SLC6A6: variants seen among roughly 807,000 people sequenced by gnomAD.
The protein encoded by SLC6A6 is sodium- and chloride-dependent taurine transporter.
A neutral mutation model predicts 68.8 loss-of-function variants in SLC6A6; 16 were observed. The observed-to-expected ratio is 0.23, with a 90% confidence interval of 0.16 to 0.35. The LOEUF is 0.35. SLC6A6 is among the 10% of genes least tolerant of loss of function. The pLI, the probability that SLC6A6 is intolerant of heterozygous loss-of-function variation, is 1.00. For missense variants in SLC6A6, 474 were observed against 802.8 expected, an observed-to-expected ratio of 0.59 and a Z score of 4.95; for synonymous variants, 312 against 315.4, an observed-to-expected ratio of 0.99 and a Z score of 0.12.
rs769012111 is a variant in SLC6A6 at position 14,472,223 on chromosome 3, T to C, written c.1115T>C (p.Ile372Thr). ...TTTCTAGGTCCTGGCCTGGCCTTCA[T>C]TGCCTACCCAAAAGCTGTGACAATG... is the stretch of plus-strand genomic sequence containing the variant. The part of the protein sequence containing the change: ...VAESGPGLAF[I>T]AYPKAVTMMP... The change falls in exon 10 of 15, where the codon ATT (isoleucine) becomes ACT (threonine). Residue 372 changes from isoleucine (I) to threonine (T), a missense_variant. By Grantham distance (89) the Ile-to-Thr change is moderately conservative. This residue lies in a region of SLC6A6 where 280 missense variants were observed against 533.1 expected (regional missense o/e 0.53). Transcript: ENST00000622186. The surrounding 1 kb of genome is among the most constrained non-coding windows in gnomAD (Gnocchi z 4.5). 2 of 1,612,946 alleles carry C rather than the reference T, an allele frequency of 1.2e-6. No homozygotes were observed. The highest frequency in any genetic ancestry group is 1.7e-6 in the Non-Finnish European group (2 of 1,179,040).
At chr3:14,444,170 C>G in intron 3 of SLC6A6, 1 of 333,878 alleles carries the variant, frequency 3.0e-6, no homozygotes, top group East Asian at 5.5e-5. Context: ...TTGTGTCTCC[C>G]AAGCCCCAGA....
intron 2 of SLC6A6, among the ~76,000 whole-genome samples, chr3:14,441,298 A>G (rs1389382736): frequency 6.6e-6 from 1 of 151,998 alleles, no homozygotes; most frequent in Admixed American, 6.5e-5. Context: ...ACATCCTCCA[A>G]TTATGCGCCC....
intron 6 of SLC6A6, among the ~76,000 whole-genome samples, chr3:14,466,000 G>A: frequency 6.6e-6 from 1 of 152,140 alleles, no homozygotes; most frequent in East Asian, 1.9e-4. Context: ...TGTGGCTCAT[G>A]CCTATAATCC....
chr3:14,422,227 A>C (rs1205844322), intron 2 of SLC6A6, among the ~76,000 whole-genome samples: 1 of 152,120 alleles, frequency 6.6e-6, no homozygotes, highest in African/African-American at 2.4e-5. Flanking sequence ...GCACCCATGA[A>C]GGAAGGTGTC....
intron 13 of SLC6A6, 90 bp downstream of exon 13, chr3:14,479,275 T>C (rs1011885171): frequency 1.2e-6 from 1 of 845,688 alleles, no homozygotes; most frequent in East Asian, 2.4e-5. Context: ...ATGCAGCATC[T>C]GTTCAGCGTG....
At chr3:14,419,861 G>A (rs1375564765) in intron 2 of SLC6A6, among the ~76,000 whole-genome samples, 5 of 151,288 alleles carry the variant, frequency 3.3e-5, no homozygotes, top group Non-Finnish European at 7.4e-5. Context: ...TCACCCTCCC[G>A]GTGCCTGGGG....
At chr3:14,431,575 G>A (rs750508496) in intron 2 of SLC6A6, among the ~76,000 whole-genome samples, 4 of 152,174 alleles carry the variant, frequency 2.6e-5, no homozygotes, top group Admixed American at 2.0e-4. Context: ...AAACCACAGC[G>A]TGTGCTTCAG....
At chr3:14,480,033 T>C (rs1175292110) in intron 13 of SLC6A6, among the ~76,000 whole-genome samples, 1 of 152,196 alleles carries the variant, frequency 6.6e-6, no homozygotes, top group Non-Finnish European at 1.5e-5. Context: ...CAGGCCAGAC[T>C]AAGTCAATGT....
rs1126666 is a variant in SLC6A6, at chr3:14,485,148, A to T, written c.*141A>T. The stretch of plus-strand genomic sequence containing the variant: ...TGTCACAGAAAATGTAATTGTGGGT[A>T]TGTGTGCGTGCGTGTGTGTGTGTGT... On this transcript the variant is annotated 3_prime_UTR_variant, in exon 15 of 15. Coordinates refer to ENST00000622186, the MANE Select transcript of SLC6A6 (RefSeq NM_003043.6). 3 of 604,648 alleles carry T rather than the reference A, an allele frequency of 5.0e-6. No homozygotes were observed. The highest frequency in any genetic ancestry group is 5.2e-5 in the African/African-American group (2 of 38,502). 37.5% of individuals were successfully genotyped at this position (604,648 alleles called of 1,614,324 possible).
chr3:14,478,260 C>T (rs918420126), intron 11 of SLC6A6, among the ~76,000 whole-genome samples: 1 of 152,162 alleles, frequency 6.6e-6, no homozygotes, highest in East Asian at 1.9e-4. Context: ...CATCATTTTG[C>T]TTTCATTTAT....
chr3:14,419,961 G>A (rs535427588), intron 2 of SLC6A6, among the ~76,000 whole-genome samples: 7 of 152,222 alleles, frequency 4.6e-5, no homozygotes, highest in East Asian at 1.9e-4. Context: ...CCCATGCCCC[G>A]CACCCATTGT....
At chr3:14,416,605 C>G (rs1425267733) in intron 2 of SLC6A6, among the ~76,000 whole-genome samples, 152 bp downstream of exon 2, 1 of 152,222 alleles carries the variant, frequency 6.6e-6, no homozygotes, top group Non-Finnish European at 1.5e-5. Flanking sequence ...CACCTCACCT[C>G]CAGGTGGCAG....
At chr3:14,417,087 C>A (rs1699378154) in intron 2 of SLC6A6, among the ~76,000 whole-genome samples, 2 of 152,248 alleles carry the variant, frequency 1.3e-5, no homozygotes, top group Admixed American at 1.3e-4. Flanking sequence ...AATCCCTGCA[C>A]TTTGGGAGGC....
At chr3:14,484,364 C>T (rs1701086339) in intron 14 of SLC6A6, among the ~76,000 whole-genome samples, 1 of 152,208 alleles carries the variant, frequency 6.6e-6, no homozygotes, top group Non-Finnish European at 1.5e-5. Context: ...TAGGGAAGAC[C>T]TGTCTCTGCA....
chr3:14,409,333 C>T (rs1053795116), intron 1 of SLC6A6, among the ~76,000 whole-genome samples: 2 of 152,342 alleles, frequency 1.3e-5, no homozygotes, highest in Admixed American at 6.5e-5. Context: ...AGGACTTGCC[C>T]CGGAGGGTGC....
chr3:14,415,930 C>A (rs537282289), intron 1 of SLC6A6, among the ~76,000 whole-genome samples: 1 of 152,146 alleles, frequency 6.6e-6, no homozygotes, highest in South Asian at 2.1e-4. Flanking sequence ...GCTGGTGGGG[C>A]GCTCAGGAGT....
intron 2 of SLC6A6, among the ~76,000 whole-genome samples, chr3:14,426,175 A>C (rs1038997911): frequency 2.6e-5 from 4 of 152,030 alleles, no homozygotes; most frequent in Admixed American, 1.3e-4. Context: ...AGGGGGAGAG[A>C]CTTCCTGGTA....
intron 2 of SLC6A6, among the ~76,000 whole-genome samples, chr3:14,436,259 G>A (rs942190757): frequency 2.0e-5 from 3 of 152,118 alleles, no homozygotes; most frequent in East Asian, 1.9e-4. Context: ...GGAGTGAGGT[G>A]GCATGATCAC....
chr3:14,428,606 G>A (rs76899017), intron 2 of SLC6A6, among the ~76,000 whole-genome samples: 4,366 of 152,250 alleles, frequency 0.029, 196 homozygotes, highest in African/African-American at 0.098. Context: ...TTTCTCTCCT[G>A]GGGAGGGTGC....
Sources: gnomAD v4.1 joint callset for allele counts (sites outside exome capture counted in the v4.1 genomes callset) on GRCh38, gnomAD v4.1.1 for gene constraint, gnomAD v4.1.1 regional missense constraint, Gnocchi (gnomAD v3.1) non-coding constraint, MANE v1.5 for transcripts, NCBI Gene and HGNC (gene_info 2026-07-23, HGNC 2026-07-21) for gene names.